HMCN1: variants seen among roughly 807,000 people sequenced by gnomAD.
HMCN1 encodes hemicentin 1, also known as hemicentin-1.
A neutral mutation model predicts 625.9 loss-of-function variants in HMCN1; 321 were observed. That is an observed-to-expected ratio of 0.51 (90% confidence interval 0.47 to 0.56). The LOEUF (loss-of-function observed/expected upper bound fraction) is 0.56. Among genes scored for constraint, HMCN1 ranks in the 20% least tolerant of loss-of-function variants. The pLI is 0.00. For missense variants in HMCN1, 6,588 were observed against 6,887.3 expected, an observed-to-expected ratio of 0.96 and a Z score of 1.54; for synonymous variants, 2,425 against 2,417.6, an observed-to-expected ratio of 1.00 and a Z score of -0.09.
intron 1 of HMCN1, among the ~76,000 whole-genome samples, chr1:185,750,064 T>C (rs1654691772): frequency 6.6e-6 from 1 of 152,192 alleles, no homozygotes. Context: ...TTTTTCTTTA[T>C]AGAATTTAGC....
At chr1:186,113,826 A>G (rs1660999163) in intron 72 of HMCN1, among the ~76,000 whole-genome samples, 153 bp from the exon 73 acceptor site, 1 of 152,186 alleles carries the variant, frequency 6.6e-6, no homozygotes, top group East Asian at 1.9e-4. Flanking sequence ...GACTTTAGGA[A>G]TTAAACCTCA....
In HMCN1 at chr1:186,074,753, G is replaced by T. The variant is rs754443415; in HGVS notation, c.8152G>T (p.Asp2718Tyr). Reference protein sequence around the residue: ...WYKDGQPLKSDDHVNIAANGH... With the variant: ...WYKDGQPLKSYDHVNIAANGH... ...AATTGAATCACAGCCCCTTAAATCCGATGATCATGTTAATATTGCTGCGAA... is the reference window on the plus strand; with the variant it reads ...AATTGAATCACAGCCCCTTAAATCCTATGATCATGTTAATATTGCTGCGAA... Residue 2718 changes from aspartate (D) to tyrosine (Y), a missense_variant, in exon 53 of 107, where the codon GAT becomes TAT. By Grantham distance (160) the Asp-to-Tyr change is radical. Around this residue, in one of 3 missense-constraint regions of HMCN1, gnomAD observed 4,628 missense variants for 4,853.1 expected, o/e 0.95. Coordinates refer to ENST00000271588, the MANE Select transcript of HMCN1 (RefSeq NM_031935.3). 4 of 1,612,722 alleles carry T rather than the reference G, an allele frequency of 2.5e-6. No individual in the cohort carries two copies. Among genetic ancestry groups the T allele is most frequent in the Non-Finnish European group, 3.4e-6 (4 of 1,179,184 alleles).
chr1:185,842,573 T>TA (rs149535360), intron 1 of HMCN1, among the ~76,000 whole-genome samples: 2,445 of 142,644 alleles, frequency 0.017, 65 homozygotes, highest in African/African-American at 0.056. Context: ...CAACAAAAAA[T>TA]AAAAAAATTG....
chr1:185,908,518 C>T (rs1229222878), intron 4 of HMCN1, among the ~76,000 whole-genome samples: 2 of 151,888 alleles, frequency 1.3e-5, no homozygotes, highest in Non-Finnish European at 2.9e-5. Context: ...GGAGTACCTG[C>T]CCAGACATGC....
At chr1:186,068,817 C>T (rs2383430) in intron 50 of HMCN1, among the ~76,000 whole-genome samples, 92,835 of 148,554 alleles carry the variant, frequency 0.62, 30,689 homozygotes, top group African/African-American at 0.87. Context: ...TGCAGTAAGC[C>T]GAGATCGTGC....
chr1:185,861,062 C>A (rs1257828691), intron 2 of HMCN1, among the ~76,000 whole-genome samples: 1 of 152,088 alleles, frequency 6.6e-6, no homozygotes, highest in African/African-American at 2.4e-5. Flanking sequence ...CTGGGAGATT[C>A]CAATGGGATT....
intron 1 of HMCN1, among the ~76,000 whole-genome samples, chr1:185,786,879 A>G (rs184948762): frequency 6.6e-6 from 1 of 152,166 alleles, no homozygotes; most frequent in South Asian, 2.1e-4. Context: ...GTTTGCCAAC[A>G]TTTCATAGGG....
chr1:186,087,104 C>T (rs940979079), intron 58 of HMCN1, 113 bp from the exon 59 acceptor site: 1 of 737,574 alleles, frequency 1.4e-6, no homozygotes, highest in African/African-American at 1.8e-5. Flanking sequence ...GAAGGCTTCT[C>T]TATAAATTTT....
At chr1:186,029,382 A>G (rs1395900038) in intron 36 of HMCN1, among the ~76,000 whole-genome samples, 1 of 152,182 alleles carries the variant, frequency 6.6e-6, no homozygotes, top group Non-Finnish European at 1.5e-5. Context: ...TGTTATTCAC[A>G]AAGAGATCAC....
At chr1:186,016,720 C>T (rs1654392891) in intron 32 of HMCN1, among the ~76,000 whole-genome samples, 1 of 151,888 alleles carries the variant, frequency 6.6e-6, no homozygotes, top group African/African-American at 2.4e-5. Flanking sequence ...TTATATTCAC[C>T]TGGCATCAGT....
At chr1:185,917,921 A>G (rs948235214) in intron 6 of HMCN1, among the ~76,000 whole-genome samples, 9 of 152,102 alleles carry the variant, frequency 5.9e-5, no homozygotes, top group Non-Finnish European at 1.0e-4. Flanking sequence ...TCTCACTCCA[A>G]TTGAGAAACC....
At chr1:186,156,022 C>T (rs1013809437) in intron 97 of HMCN1, among the ~76,000 whole-genome samples, 1 of 152,162 alleles carries the variant, frequency 6.6e-6, no homozygotes, top group African/African-American at 2.4e-5. Flanking sequence ...TCTAATATAT[C>T]TGGTCTGCAC....
chr1:185,931,109 G>T (rs1453059105), intron 10 of HMCN1, among the ~76,000 whole-genome samples: 2 of 152,100 alleles, frequency 1.3e-5, no homozygotes, highest in Non-Finnish European at 2.9e-5. Flanking sequence ...TAAAGAAACA[G>T]AACCCAGAGA....
chr1:185,951,413 G>A (rs181371658), intron 11 of HMCN1, among the ~76,000 whole-genome samples: 12,567 of 146,292 alleles, frequency 0.086, 731 homozygotes, highest in Middle Eastern at 0.13. Flanking sequence ...CAAGGGAAAC[G>A]GGCCCTTGAA....
In HMCN1 at chr1:186,144,842, C is replaced by T. The variant is rs145959322; in HGVS notation, c.14266+139C>T. On this transcript the variant is annotated intron_variant, in intron 91 of 106. Coordinates refer to ENST00000271588, the MANE Select transcript of HMCN1 (RefSeq NM_031935.3). ...TGTCAGAATGTTGTAAGGTTGCTGT[C>T]ATGTCTGTATAATACCCTAGATGTC... The T allele has an allele frequency of 5.9e-3, 5,967 of 1,011,000 alleles. 67 individuals are homozygous for T. Among genetic ancestry groups the T allele is most frequent in the South Asian group, 0.028 (2,072 of 73,008 alleles). The allele number at this position is 1,011,000 out of a possible 1,614,324, so 62.6% of individuals were successfully genotyped here.
intron 1 of HMCN1, among the ~76,000 whole-genome samples, chr1:185,812,842 A>C (rs1264179930): frequency 6.6e-6 from 1 of 152,064 alleles, no homozygotes; most frequent in African/African-American, 2.4e-5. Flanking sequence ...CATCATGCAC[A>C]ATAAGATGGA....
intron 1 of HMCN1, among the ~76,000 whole-genome samples, chr1:185,794,301 A>G (rs1230096732): frequency 6.6e-6 from 1 of 151,842 alleles, no homozygotes; most frequent in Non-Finnish European, 1.5e-5. Flanking sequence ...GTACATTTGT[A>G]TTTGTCAGGG....
intron 1 of HMCN1, among the ~76,000 whole-genome samples, chr1:185,769,948 T>G (rs1656126745): frequency 6.6e-6 from 1 of 152,182 alleles, no homozygotes; most frequent in Admixed American, 6.5e-5. Context: ...TACCATCACT[T>G]TCACCATATT....
chr1:186,084,291 A>T (rs1408840410), intron 57 of HMCN1, among the ~76,000 whole-genome samples: 1 of 152,104 alleles, frequency 6.6e-6, no homozygotes, highest in East Asian at 1.9e-4. Flanking sequence ...CATGTTTATT[A>T]TATTTTCTTC....
Sources: allele counts gnomAD v4.1 joint callset (sites outside exome capture counted in the v4.1 genomes callset), GRCh38; gene constraint gnomAD v4.1.1; regional missense constraint gnomAD v4.1.1; transcripts MANE v1.5; gene names NCBI Gene and HGNC (gene_info 2026-07-23, HGNC 2026-07-21).